ZNF726: variants seen among roughly 807,000 people sequenced by gnomAD.
ZNF726 encodes zinc finger protein 726.
In ZNF726, 15 loss-of-function variants were observed where a neutral mutation model predicts 11.6. The observed-to-expected ratio is 1.29, with a 90% CI of 0.86 to 1.99. The LOEUF (loss-of-function observed/expected upper bound fraction) is 1.99. ZNF726 is among the 30% of genes most tolerant of loss of function. The pLI, the probability that ZNF726 is intolerant of heterozygous loss-of-function variation, is 0.00. For synonymous variants in ZNF726, 295 were observed against 243.6 expected (o/e 1.21, Z -1.96); for missense variants, 890 against 725.6 (o/e 1.23, Z -2.60).
downstream of ZNF726, chr19:23,935,735 C>T (rs1262515893): frequency 9.1e-6 from 2 of 220,310 alleles, no homozygotes; most frequent in Non-Finnish European, 1.8e-5. Context: ...AGCTTCTAAC[C>T]AATGCTCATA....
At chr19:23,918,964 C>A in intron 1 of ZNF726, 1 of 175,926 alleles carries the variant, frequency 5.7e-6, no homozygotes. Flanking sequence ...ACGAGATGTC[C>A]AGTTTATTGT....
At chr19:23,928,287 C>G (rs776171315) in intron 3 of ZNF726, 44 of 152,160 alleles carry the variant, frequency 2.9e-4, no homozygotes, top group Admixed American at 3.9e-4. Flanking sequence ...ATCCACTCTC[C>G]AGTATTCACC....
intron 3 of ZNF726, among the ~76,000 whole-genome samples, chr19:23,940,483 G>A (rs1443500826): frequency 6.6e-6 from 1 of 152,036 alleles, no homozygotes; most frequent in Non-Finnish European, 1.5e-5. Context: ...TGGCTATGTG[G>A]GCTCTATATG....
At chr19:23,915,756 T>C (rs991916678) in intron 1 of ZNF726, among the ~76,000 whole-genome samples, 3 of 152,046 alleles carry the variant, frequency 2.0e-5, no homozygotes, top group Non-Finnish European at 2.9e-5. Flanking sequence ...ATTTTTTTTA[T>C]TTTTAGCGGA....
rs776024847 is a variant in ZNF726 at position 23,932,438 on chromosome 19, C to G, written c.322C>G (p.His108Asp). The G allele has an allele frequency of 5.7e-6, 9 of 1,571,814 alleles. No homozygotes were observed. In the Middle Eastern group the frequency reaches 5.1e-4, roughly 90 times the overall value. ...ACTAAGAAGATTTGAAAAATGTGGACATGAGAATTTACAGTTAAGAAAAGG... is the reference window on the plus strand; with the variant it reads ...ACTAAGAAGATTTGAAAAATGTGGAGATGAGAATTTACAGTTAAGAAAAGG... ...VILRRFEKCG[H>D]ENLQLRKGCK... Residue 108 changes from histidine to aspartate, a missense_variant, in exon 4 of 4, where the codon CAT becomes GAT. By Grantham distance (81) the His-to-Asp change is moderately conservative (BLOSUM62 -1). Transcript: ENST00000594466.
intron 3 of ZNF726, among the ~76,000 whole-genome samples, chr19:23,923,042 ATGT>A (rs1420384402): frequency 2.6e-5 from 4 of 152,068 alleles, no homozygotes; most frequent in African/African-American, 7.2e-5. Context: ...TAGAATTTAC[ATGT>A]TGTTCCTGAA....
At chr19:23,931,333 G>C (rs1313111017) in intron 3 of ZNF726, among the ~76,000 whole-genome samples, 2 of 152,080 alleles carry the variant, frequency 1.3e-5, no homozygotes, top group Non-Finnish European at 2.9e-5. Flanking sequence ...GGATCTGTCA[G>C]TTTCCTTTTG....
chr19:23,922,423 G>T (rs1035434779), intron 3 of ZNF726, among the ~76,000 whole-genome samples: 2 of 152,200 alleles, frequency 1.3e-5, no homozygotes, highest in Non-Finnish European at 2.9e-5. Context: ...CAAGGTCTGA[G>T]GCCTGCCATC....
chr19:23,935,329 C>A, downstream of ZNF726: 2 of 524,982 alleles, frequency 3.8e-6, no homozygotes, highest in South Asian at 2.8e-5. Flanking sequence ...TTTTTCTGGT[C>A]CTCAGCCCTA....
chr19:23,934,599 G>A, downstream of ZNF726: 1 of 311,830 alleles, frequency 3.2e-6, no homozygotes, highest in South Asian at 2.9e-5. Context: ...TATTCCTGTG[G>A]CTTTCTCTCC....
intron 3 of ZNF726, among the ~76,000 whole-genome samples, chr19:23,922,448 A>G (rs1317932393): frequency 6.6e-6 from 1 of 152,134 alleles, no homozygotes; most frequent in Non-Finnish European, 1.5e-5. Flanking sequence ...CTATAAATGG[A>G]GGTCTTCCTC....
chr19:23,939,862 A>ATTTTTTTTTTTTTTTTTTT (rs374902806), intron 3 of ZNF726, among the ~76,000 whole-genome samples: 4 of 87,152 alleles, frequency 4.6e-5, no homozygotes, highest in African/African-American at 1.4e-4. Context: ...TTTTGATGGG[A>ATTTTTTTTTTTTTTTTTTT]TTTTTTTTTT....
At chr19:23,934,552 A>C (rs1263008713), downstream of ZNF726, 1 of 356,602 alleles carries the variant, frequency 2.8e-6, no homozygotes, top group East Asian at 7.3e-5. Context: ...CAGAATTTTC[A>C]TACAGTCTTT....
chr19:23,916,745 GT>G (rs371264502), intron 1 of ZNF726, among the ~76,000 whole-genome samples: 1 of 151,200 alleles, frequency 6.6e-6, no homozygotes, highest in Non-Finnish European at 1.5e-5. Context: ...AAATATCTGT[GT>G]TTTTTTCTTT....
At position 23,934,414 on chromosome 19, in the gene ZNF726, T is replaced by C; in HGVS notation, c.*447T>C. ...AATGTGAAAAATGTGTCAAAGCCTTTAAGCAGTCTTCAATCCTGAGTAACC... is the reference window on the plus strand; with the variant it reads ...AATGTGAAAAATGTGTCAAAGCCTTCAAGCAGTCTTCAATCCTGAGTAACC... On this transcript the variant is annotated 3_prime_UTR_variant, in exon 4 of 4. Transcript: ENST00000594466. The C allele has an allele frequency of 2.1e-6, 1 of 477,964 alleles. No individual in the cohort carries two copies. The highest frequency in any genetic ancestry group is 6.3e-5 in the East Asian group (1 of 15,816). 29.6% of individuals were successfully genotyped at this position (477,964 alleles called of 1,614,324 possible).
rs775337287 is a variant in ZNF726 at position 23,932,713 on chromosome 19, G to A, written c.597G>A (p.Lys199=). ...ATAAAAGCATATATACTACAGAGAA[G>A]TCCTACAAATGTAAAGAATGTGGAA... is the stretch of plus-strand genomic sequence containing the variant. ...TQHKSIYTTE[K]SYKCKECGKT... is the part of the protein sequence containing the mutation. The change falls in exon 4 of 4, where the codon AAG becomes AAA. Residue 199 remains lysine, a synonymous_variant. Coordinates refer to ENST00000594466, the MANE Select transcript of ZNF726 (RefSeq NM_001244038.2). 1 of 1,608,070 alleles carries A rather than the reference G, an allele frequency of 6.2e-7. No homozygotes were observed. The highest frequency in any genetic ancestry group is 1.3e-5 in the African/African-American group (1 of 74,470).
chr19:23,928,251 A>G (rs1968030181), intron 3 of ZNF726: 1 of 152,240 alleles, frequency 6.6e-6, no homozygotes, highest in South Asian at 2.1e-4. Flanking sequence ...ATTGTGAGCC[A>G]AATAAATATT....
chr19:23,919,673 A>G (rs1967793938), intron 2 of ZNF726, 174 bp downstream of exon 2: 1 of 803,932 alleles, frequency 1.2e-6, no homozygotes, highest in African/African-American at 1.8e-5. Flanking sequence ...TGAAATTTCC[A>G]CATTCCTGAG....
At chr19:23,937,113 C>T (rs1260314604), downstream of ZNF726, among the ~76,000 whole-genome samples, 33 of 150,024 alleles carry the variant, frequency 2.2e-4, no homozygotes, top group East Asian at 8.3e-4. Context: ...CCCTCCCGGC[C>T]GGGGCGGCTG....
Sources: allele counts gnomAD v4.1 joint callset (sites outside exome capture counted in the v4.1 genomes callset), GRCh38; gene constraint gnomAD v4.1.1; transcripts MANE v1.5; gene names NCBI Gene and HGNC (gene_info 2026-07-23, HGNC 2026-07-21).